Variants in CAPZA2 observed in about 807,000 individuals in gnomAD.
CAPZA2 encodes F-actin-capping protein subunit alpha-2.
Under a neutral mutation model 44.0 loss-of-function variants are expected in CAPZA2, and 13 were observed. The ratio of observed to expected loss-of-function variants is 0.30; its 90% CI spans 0.19 to 0.47. The LOEUF (loss-of-function observed/expected upper bound fraction) is 0.47, where lower values mean the gene tolerates loss of function less well. Ranked by LOEUF, CAPZA2 falls within the 20% of genes least tolerant of loss-of-function variation. The pLI, the probability that CAPZA2 is intolerant of heterozygous loss-of-function variation, is 1.00. For missense variants in CAPZA2, 244 were observed against 338.6 expected (o/e 0.72, Z 2.19); for synonymous variants, 94 against 108.2 (o/e 0.87, Z 0.81).
intron 1 of CAPZA2, among the ~76,000 whole-genome samples, chr7:116,884,867 G>C (rs1796742381): frequency 6.6e-6 from 1 of 152,162 alleles, no homozygotes; most frequent in African/African-American, 2.4e-5. Flanking sequence ...CATTTCCACA[G>C]AAATGTATGA....
chr7:116,883,091 A>T (rs1716765306), intron 1 of CAPZA2, among the ~76,000 whole-genome samples: 1 of 152,242 alleles, frequency 6.6e-6, no homozygotes, highest in Non-Finnish European at 1.5e-5. Context: ...AAGGAAAAAA[A>T]ACATTTAGCA....
At chr7:116,886,460 G>T (rs1279041233) in intron 1 of CAPZA2, among the ~76,000 whole-genome samples, 1 of 152,100 alleles carries the variant, frequency 6.6e-6, no homozygotes, top group African/African-American at 2.4e-5. Context: ...TCTGTGCTTA[G>T]ATACATGTAC....
intron 1 of CAPZA2, among the ~76,000 whole-genome samples, chr7:116,871,663 A>G (rs1451640037): frequency 6.6e-6 from 1 of 152,088 alleles, no homozygotes; most frequent in Non-Finnish European, 1.5e-5. Context: ...CTTGTAAACT[A>G]CTCATCTTTG....
At chr7:116,893,463 G>C (rs1488682691) in intron 3 of CAPZA2, among the ~76,000 whole-genome samples, 1 of 152,128 alleles carries the variant, frequency 6.6e-6, no homozygotes, top group Non-Finnish European at 1.5e-5. Flanking sequence ...CTCTGACATA[G>C]ATATTTGCAC....
At position 116,888,936 on chromosome 7, in the gene CAPZA2, C is replaced by T. The variant is rs540307416; in HGVS notation, c.103+746C>T. ...TCTTTTAAAGAAAATCCTATGAGAT[C>T]GGTATGAATAGCCAAAAGAAAAAGG... On this transcript the variant is annotated intron_variant, in intron 2 of 9. Transcript: ENST00000361183. Among the ~76,000 whole-genome samples, 43 of 152,200 alleles carry T rather than the reference C, an allele frequency of 2.8e-4. No individual in the cohort carries two copies. The South Asian group carries it at 7.7e-3, about 27-fold the overall frequency.
intron 8 of CAPZA2, among the ~76,000 whole-genome samples, chr7:116,914,432 TACACACACACACACACAC>T (rs71148345): frequency 6.9e-6 from 1 of 145,140 alleles, no homozygotes; most frequent in South Asian, 2.2e-4. Context: ...TATACATACA[TACACACACACACACACAC>T]ACACACACAC....
intron 1 of CAPZA2, among the ~76,000 whole-genome samples, chr7:116,887,405 G>T (rs766198588): frequency 2.7e-4 from 41 of 152,078 alleles, no homozygotes; most frequent in Non-Finnish European, 5.0e-4. Flanking sequence ...GCACGTGCCT[G>T]TAGTCCCAGC....
At chr7:116,907,809 C>A (rs1048563140) in intron 6 of CAPZA2, among the ~76,000 whole-genome samples, 1 of 152,152 alleles carries the variant, frequency 6.6e-6, no homozygotes, top group African/African-American at 2.4e-5. Flanking sequence ...CACTATTTCA[C>A]TTTACAAGGG....
At chr7:116,906,835 ATAAT>A (rs2115966107) in intron 6 of CAPZA2, 2 of 152,502 alleles carry the variant, frequency 1.3e-5, no homozygotes, top group East Asian at 3.8e-4. Context: ...TTGTGTACAA[ATAAT>A]TCCATTATTC....
chr7:116,869,450 T>C (rs1018477260), intron 1 of CAPZA2, among the ~76,000 whole-genome samples: 1 of 152,256 alleles, frequency 6.6e-6, no homozygotes, highest in Non-Finnish European at 1.5e-5. Context: ...TACCTCCATC[T>C]TCATTCATTT....
rs57772383 is a variant in CAPZA2 at position 116,910,990 on chromosome 7, CAAAAAAAAAA to C, written c.585+692_585+701del. ...TGGGCGACAGAACAAGACTCCGTCTCAAAAAAAAAAAAAAAAAAAAAAGCATACGTGATTG... is the reference window on the plus strand; with the variant it reads ...TGGGCGACAGAACAAGACTCCGTCTCAAAAAAAAAAAAGCATACGTGATTG... On this transcript the variant is annotated intron_variant, in intron 7 of 9. Transcript: ENST00000361183. 3.6e-3 allele frequency among the ~76,000 whole-genome samples: 184 copies of C among 50,592 alleles called. 2 individuals are homozygous for C. In the East Asian group the frequency reaches 0.05, roughly 14 times the overall value. The allele number at this position is 50,592 out of a possible 152,430, so 33.2% of individuals were successfully genotyped here.
At chr7:116,916,199 G>T in intron 9 of CAPZA2, 77 bp downstream of exon 9, 1 of 1,398,406 alleles carries the variant, frequency 7.2e-7, no homozygotes, top group Admixed American at 2.8e-5. Context: ...TCAGCCAAAG[G>T]CTGAATTTTT....
intron 4 of CAPZA2, among the ~76,000 whole-genome samples, chr7:116,899,998 A>G (rs1323723412): frequency 2.0e-5 from 3 of 151,714 alleles, no homozygotes; most frequent in Non-Finnish European, 4.4e-5. Flanking sequence ...ACAGAAATGC[A>G]AAAATGGTTC....
intron 3 of CAPZA2, among the ~76,000 whole-genome samples, chr7:116,893,348 C>T (rs1199932647): frequency 1.3e-5 from 2 of 152,160 alleles, no homozygotes; most frequent in Non-Finnish European, 2.9e-5. Flanking sequence ...CCAGGCTGGT[C>T]TTGAATTCCT....
chr7:116,920,724 G>C lies in CAPZA2; in HGVS notation c.*2857G>C, dbSNP rs1019728010. Reference sequence around the variant, plus strand: ...GGAACTAGAGGAAAGCTCTGGGCTAGAAGAATGGGAAAGTGCATGAACCTG... The same window carrying C: ...GGAACTAGAGGAAAGCTCTGGGCTACAAGAATGGGAAAGTGCATGAACCTG... On this transcript the variant is annotated 3_prime_UTR_variant, in exon 10 of 10. Coordinates refer to ENST00000361183, the MANE Select transcript of CAPZA2 (RefSeq NM_006136.3). 1 of 152,312 alleles carries C rather than the reference G, an allele frequency of 6.6e-6. No individual in the cohort carries two copies. Among genetic ancestry groups the C allele is most frequent in the Non-Finnish European group, 1.5e-5 (1 of 68,098 alleles). The allele number at this position is 152,312 out of a possible 1,614,324, so 9.4% of individuals were successfully genotyped here.
intron 1 of CAPZA2, among the ~76,000 whole-genome samples, chr7:116,881,820 G>C (rs1384730816): frequency 1.4e-5 from 2 of 146,122 alleles, no homozygotes; most frequent in Non-Finnish European, 3.0e-5. Context: ...ATCTAAACCA[G>C]AATCACATTG....
intron 5 of CAPZA2, 137 bp from the exon 6 acceptor site, chr7:116,906,126 A>T: frequency 7.6e-7 from 1 of 1,313,324 alleles, no homozygotes; most frequent in Non-Finnish European, 1.0e-6. Context: ...TAGCTACTAT[A>T]TTGGAATGAT....
chr7:116,880,428 C>G (rs1053943176), intron 1 of CAPZA2, among the ~76,000 whole-genome samples: 3 of 152,076 alleles, frequency 2.0e-5, no homozygotes, highest in African/African-American at 7.2e-5. Context: ...GAGGGAGTCT[C>G]ACTGTGTTGC....
chr7:116,911,380 C>A (rs185990208), intron 7 of CAPZA2, among the ~76,000 whole-genome samples: 3 of 152,296 alleles, frequency 2.0e-5, no homozygotes, highest in Non-Finnish European at 4.4e-5. Flanking sequence ...AGTACACTCT[C>A]ATCTGCCAGA....
Sources: gnomAD v4.1 joint callset for allele counts (sites outside exome capture counted in the v4.1 genomes callset) on GRCh38, gnomAD v4.1.1 for gene constraint, MANE v1.5 for transcripts, NCBI Gene and HGNC (gene_info 2026-07-23, HGNC 2026-07-21) for gene names.